RAB3C: variants seen among roughly 807,000 people sequenced by gnomAD.
RAB3C encodes the protein ras-related protein Rab-3C.
RAB3C carries 17 observed loss-of-function variants against 26.4 expected under a neutral mutation model. That is an observed-to-expected ratio of 0.64 (90% CI 0.44 to 0.97). The LOEUF is 0.97. Ranked by LOEUF, RAB3C falls within the 50% of genes least tolerant of loss-of-function variation. The pLI is 0.00. For missense variants in RAB3C, 242 were observed against 281.9 expected (o/e 0.86, Z 1.01); for synonymous variants, 91 against 95.9 (o/e 0.95, Z 0.30).
At chr5:58,616,630 G>T (rs190191460) in intron 1 of RAB3C, among the ~76,000 whole-genome samples, 2 of 152,170 alleles carry the variant, frequency 1.3e-5, no homozygotes, top group East Asian at 3.9e-4. Flanking sequence ...TTTACATATC[G>T]CTTTACAGCT....
At chr5:58,804,337 T>A (rs1464969410) in intron 3 of RAB3C, among the ~76,000 whole-genome samples, 2 of 152,152 alleles carry the variant, frequency 1.3e-5, no homozygotes, top group Non-Finnish European at 2.9e-5. Context: ...TGTTGTGCAT[T>A]CCTATTGCCT....
intron 3 of RAB3C, 70 bp from the exon 4 acceptor site, chr5:58,824,968 A>G: frequency 9.8e-7 from 1 of 1,019,666 alleles, no homozygotes; most frequent in Non-Finnish European, 1.4e-6. Context: ...TGTGGAATGT[A>G]TTTCTTCTCC....
At chr5:58,838,992 T>TC (rs942454719) in intron 4 of RAB3C, among the ~76,000 whole-genome samples, 18 of 151,594 alleles carry the variant, frequency 1.2e-4, no homozygotes, top group Non-Finnish European at 2.4e-4. Context: ...CTTGAAGCAT[T>TC]TTTTTTTAAC....
chr5:58,648,931 G>C (rs1003638637), intron 2 of RAB3C, among the ~76,000 whole-genome samples: 1 of 152,104 alleles, frequency 6.6e-6, no homozygotes, highest in Non-Finnish European at 1.5e-5. Context: ...TCATCCTGTA[G>C]CTTCAAGATT....
intron 2 of RAB3C, 28 bp downstream of exon 2, chr5:58,617,898 T>C (rs759389752): frequency 7.0e-7 from 1 of 1,436,638 alleles, no homozygotes; most frequent in South Asian, 1.2e-5. Flanking sequence ...GGCAGTGTTC[T>C]TCAGGCTGGG....
At position 58,673,830 on chromosome 5, in the gene RAB3C, C is replaced by A. The variant is rs971479033; in HGVS notation, c.253-52172C>A. On this transcript the variant is annotated intron_variant, in intron 2 of 4. Coordinates refer to ENST00000282878, the MANE Select transcript of RAB3C (RefSeq NM_138453.4). Reference sequence around the variant, plus strand: ...CACCCTGAACATGCCTCTCATAACTCAGAGGTATCCAGGATTGATGCAGAG... The same window carrying A: ...CACCCTGAACATGCCTCTCATAACTAAGAGGTATCCAGGATTGATGCAGAG... Among the ~76,000 whole-genome samples, 6 of 152,298 alleles carry A rather than the reference C, an allele frequency of 3.9e-5. No homozygotes were observed. The South Asian group carries it at 6.2e-4, about 16-fold the overall frequency.
At chr5:58,788,859 A>G (rs1742456132) in intron 3 of RAB3C, among the ~76,000 whole-genome samples, 1 of 152,218 alleles carries the variant, frequency 6.6e-6, no homozygotes, top group African/African-American at 2.4e-5. Context: ...TAAATATATC[A>G]TATTCCTTCT....
At chr5:58,678,144 A>C (rs1031105084) in intron 2 of RAB3C, among the ~76,000 whole-genome samples, 2 of 152,172 alleles carry the variant, frequency 1.3e-5, no homozygotes, top group Admixed American at 6.5e-5. Flanking sequence ...TTTGGGGTCT[A>C]TTCCAAATTT....
chr5:58,727,769 T>A (rs1334378841), intron 3 of RAB3C, among the ~76,000 whole-genome samples: 3 of 151,916 alleles, frequency 2.0e-5, no homozygotes, highest in Non-Finnish European at 1.5e-5. Flanking sequence ...AGGCCAGAAG[T>A]GCTATTATAA....
At chr5:58,632,483 G>T (rs1747203481) in intron 2 of RAB3C, among the ~76,000 whole-genome samples, 1 of 152,266 alleles carries the variant, frequency 6.6e-6, no homozygotes, top group African/African-American at 2.4e-5. Flanking sequence ...AGTTCATCCT[G>T]TCATATTGTG....
chr5:58,841,595 C>T (rs1196188757), intron 4 of RAB3C, among the ~76,000 whole-genome samples: 1 of 152,132 alleles, frequency 6.6e-6, no homozygotes, highest in Non-Finnish European at 1.5e-5. Context: ...GGCAATACAG[C>T]TGCATGAATT....
rs13359674 is a variant in RAB3C at position 58,623,911 on chromosome 5, C to T, written c.252+6041C>T. ...AGGGTTTGACCTCAAGCCCTGACTTCTCTGTGCTTCCATTTCCTCGTTTAT... is the reference window on the plus strand; with the variant it reads ...AGGGTTTGACCTCAAGCCCTGACTTTTCTGTGCTTCCATTTCCTCGTTTAT... On this transcript the variant is annotated intron_variant, in intron 2 of 4. Transcript: ENST00000282878. Among the ~76,000 whole-genome samples, 483 of 152,256 alleles carry T rather than the reference C, an allele frequency of 3.2e-3. 2 individuals carry two copies. Among genetic ancestry groups the T allele is most frequent in the African/African-American group, 0.011 (453 of 41,552 alleles).
chr5:58,744,826 T>C (rs1039690704), intron 3 of RAB3C, among the ~76,000 whole-genome samples: 1 of 152,208 alleles, frequency 6.6e-6, no homozygotes, highest in African/African-American at 2.4e-5. Context: ...TGTTTATTTG[T>C]TTGCTTGCAA....
rs200820052 is a variant in RAB3C at position 58,757,916 on chromosome 5, G to GTT, written c.371+31800_371+31801dup. Among the ~76,000 whole-genome samples, 620 of 130,664 alleles carry GTT rather than the reference G, an allele frequency of 4.7e-3. 3 individuals are homozygous for GTT. Among genetic ancestry groups the GTT allele is most frequent in the Non-Finnish European group, 8.0e-3 (459 of 57,060 alleles). 85.7% of individuals were successfully genotyped at this position (130,664 alleles called of 152,430 possible). Reference sequence around the variant, plus strand: ...CAAGCAAAAGCTCCCCTACTTATTTGTTTTTGTTGTTGTTGTTGTTTTGTT... The same window carrying GTT: ...CAAGCAAAAGCTCCCCTACTTATTTGTTTTTTTGTTGTTGTTGTTGTTTTGTT... On this transcript the variant is annotated intron_variant, in intron 3 of 4. Transcript: ENST00000282878.
At chr5:58,821,293 T>C (rs1743336326) in intron 3 of RAB3C, among the ~76,000 whole-genome samples, 1 of 152,212 alleles carries the variant, frequency 6.6e-6, no homozygotes, top group Admixed American at 6.5e-5. Flanking sequence ...AAGTGTTCTC[T>C]ACCCAGGGCC....
At chr5:58,767,908 G>C (rs953593029) in intron 3 of RAB3C, among the ~76,000 whole-genome samples, 1 of 152,176 alleles carries the variant, frequency 6.6e-6, no homozygotes, top group African/African-American at 2.4e-5. Flanking sequence ...ATAATGATGT[G>C]ATAGAGTGTC....
intron 2 of RAB3C, among the ~76,000 whole-genome samples, chr5:58,708,312 C>G (rs748147642): frequency 6.6e-6 from 1 of 152,144 alleles, no homozygotes. Context: ...CTTCTATGAA[C>G]GATGATGGAT....
At chr5:58,842,447 A>C (rs758479673) in intron 4 of RAB3C, among the ~76,000 whole-genome samples, 8 of 152,172 alleles carry the variant, frequency 5.3e-5, no homozygotes, top group Non-Finnish European at 1.2e-4. Flanking sequence ...GCCTGTAGGC[A>C]CCTGCTTTCA....
At chr5:58,585,680 G>T (rs1745995027) in intron 1 of RAB3C, among the ~76,000 whole-genome samples, 1 of 151,998 alleles carries the variant, frequency 6.6e-6, no homozygotes, top group African/African-American at 2.4e-5. Flanking sequence ...AGCATTTGAT[G>T]TATCTATATA....
Sources: gnomAD v4.1 joint callset for allele counts (sites outside exome capture counted in the v4.1 genomes callset) on GRCh38, gnomAD v4.1.1 for gene constraint, MANE v1.5 for transcripts, NCBI Gene and HGNC (gene_info 2026-07-23, HGNC 2026-07-21) for gene names.